NT5C3A: variants seen among roughly 807,000 people sequenced by gnomAD.
NT5C3A encodes 5'-nucleotidase, cytosolic IIIA.
In NT5C3A, 23 loss-of-function variants were observed where a neutral mutation model predicts 40.0. The ratio of observed to expected loss-of-function variants is 0.58; its 90% CI spans 0.41 to 0.81. The LOEUF (loss-of-function observed/expected upper bound fraction) is 0.81. Among genes scored for constraint, NT5C3A ranks in the 40% least tolerant of loss-of-function variants. NT5C3A has a pLI of 0.00. For synonymous variants in NT5C3A, 130 were observed against 141.4 expected, an observed-to-expected ratio of 0.92 and a Z score of 0.57; for missense variants, 328 against 403.0, an observed-to-expected ratio of 0.81 and a Z score of 1.59.
At chr7:33,036,691 T>C (rs1786622746) in intron 1 of NT5C3A, among the ~76,000 whole-genome samples, 1 of 152,212 alleles carries the variant, frequency 6.6e-6, no homozygotes, top group South Asian at 2.1e-4. Flanking sequence ...AAATTATGCA[T>C]TGCTACTACC....
chr7:33,049,043 T>G (rs1477762200), intron 1 of NT5C3A, among the ~76,000 whole-genome samples: 1 of 152,216 alleles, frequency 6.6e-6, no homozygotes, highest in African/African-American at 2.4e-5. Flanking sequence ...TGGTAAGCAC[T>G]GTTTACAACT....
chr7:33,042,329 AAAAAAAACAAAAAACAAAAAAACCCC>A (rs1360504285), intron 1 of NT5C3A, among the ~76,000 whole-genome samples: 1 of 148,914 alleles, frequency 6.7e-6, no homozygotes, highest in Non-Finnish European at 1.5e-5. Context: ...AAACTGTCTC[AAAAAAAACAAAAAACAAAAAAACCCC>A]AAAAAAACAA....
rs115169705 is a variant in NT5C3A, at chr7:33,062,355, C to T, written c.138+213G>A. ...GCAGCCAAGGGCCGCAGCCGGGGAC[C>T]CAACCCTGGTCACCAAGCCCGCGGA... is the stretch of plus-strand genomic sequence containing the variant. On this transcript the variant is annotated intron_variant, in intron 1 of 8. Coordinates refer to ENST00000610140, the MANE Select transcript of NT5C3A (RefSeq NM_001002010.5). 0.036 allele frequency among the ~76,000 whole-genome samples: 5,470 copies of T among 152,304 alleles called. 271 individuals are homozygous for T. Among genetic ancestry groups the T allele is most frequent in the East Asian group, 0.14 (702 of 5,164 alleles).
chr7:33,035,192 T>TG (rs113683776), intron 1 of NT5C3A, among the ~76,000 whole-genome samples: 8 of 144,294 alleles, frequency 5.5e-5, no homozygotes, highest in African/African-American at 2.1e-4. Context: ...GGAATGAGTT[T>TG]TTTTTTTTTT....
chr7:33,022,962 G>C (rs1785710167), intron 3 of NT5C3A, among the ~76,000 whole-genome samples: 1 of 150,664 alleles, frequency 6.6e-6, no homozygotes, highest in South Asian at 2.1e-4. Context: ...TTGTCATCCA[G>C]GCTGGAGTGC....
intron 1 of NT5C3A, among the ~76,000 whole-genome samples, chr7:33,043,927 T>C (rs1013788380): frequency 6.6e-6 from 1 of 152,134 alleles, no homozygotes; most frequent in Non-Finnish European, 1.5e-5. Flanking sequence ...AAGAGAAAAA[T>C]AATACTTCCT....
chr7:33,054,264 G>C (rs1483547209), intron 1 of NT5C3A, among the ~76,000 whole-genome samples: 2 of 151,662 alleles, frequency 1.3e-5, no homozygotes, highest in Admixed American at 1.3e-4. Flanking sequence ...TGAAGTAGGA[G>C]GATCACTTGA....
chr7:33,029,753 G>T, intron 1 of NT5C3A: 1 of 1,209,192 alleles, frequency 8.3e-7, no homozygotes, highest in Non-Finnish European at 1.1e-6. Flanking sequence ...TTTTTATAGA[G>T]ATAAGGTCTT....
intron 1 of NT5C3A, among the ~76,000 whole-genome samples, chr7:33,029,996 G>A (rs557042908): frequency 3.3e-5 from 5 of 152,032 alleles, no homozygotes; most frequent in Admixed American, 2.6e-4. Context: ...CAAATGGCAC[G>A]GGAGTAAAAT....
At chr7:33,016,243 A>T (rs1785318790) in intron 7 of NT5C3A, among the ~76,000 whole-genome samples, 1 of 152,004 alleles carries the variant, frequency 6.6e-6, no homozygotes, top group African/African-American at 2.4e-5. Flanking sequence ...GTTTGGTGGC[A>T]CGCACCTGTA....
chr7:33,027,890 C>T (rs765025990), intron 1 of NT5C3A, among the ~76,000 whole-genome samples: 1 of 152,060 alleles, frequency 6.6e-6, no homozygotes, highest in Non-Finnish European at 1.5e-5. Context: ...TATACTTTTG[C>T]ATCTGGCTTT....
At chr7:33,059,237 AT>A (rs1307373590) in intron 1 of NT5C3A, among the ~76,000 whole-genome samples, 2 of 152,174 alleles carry the variant, frequency 1.3e-5, no homozygotes, top group African/African-American at 4.8e-5. Context: ...TTCAGTTGCT[AT>A]TGCTAATAAT....
chr7:33,031,793 T>C (rs1786274374), intron 1 of NT5C3A, among the ~76,000 whole-genome samples: 1 of 152,090 alleles, frequency 6.6e-6, no homozygotes. Flanking sequence ...TAAATATGTA[T>C]GTTCATCTAT....
intron 1 of NT5C3A, among the ~76,000 whole-genome samples, chr7:33,061,507 C>T (rs1273354008): frequency 6.6e-6 from 1 of 152,122 alleles, no homozygotes; most frequent in Non-Finnish European, 1.5e-5. Flanking sequence ...TCCTCTCAGC[C>T]TCCCAAATAG....
At chr7:33,046,711 T>C (rs530881783) in intron 1 of NT5C3A, among the ~76,000 whole-genome samples, 3 of 152,160 alleles carry the variant, frequency 2.0e-5, no homozygotes, top group South Asian at 4.2e-4. Flanking sequence ...TTCAAGAAAA[T>C]AGGATGTAAG....
chr7:33,033,357 C>A (rs1217779607), intron 1 of NT5C3A, among the ~76,000 whole-genome samples: 2 of 152,218 alleles, frequency 1.3e-5, no homozygotes, highest in Non-Finnish European at 2.9e-5. Flanking sequence ...TTATGCACTA[C>A]TAAATTTTAG....
At chr7:33,043,796 G>T (rs932507217) in intron 1 of NT5C3A, among the ~76,000 whole-genome samples, 3 of 152,100 alleles carry the variant, frequency 2.0e-5, no homozygotes, top group Non-Finnish European at 4.4e-5. Context: ...TGAGATAGTG[G>T]GACTGGTGGG....
At position 33,017,497 on chromosome 7, in the gene NT5C3A, G is replaced by A. The variant is rs1249804561; in HGVS notation, c.635C>T (p.Ala212Val). ...GDVLEEVIRQAGVYHPNVKVV... is the reference protein window; with the variant it reads ...GDVLEEVIRQVGVYHPNVKVV... ...TTTGACATTGGGATGATAAACACCAGCTTGACGAATAACTTCCTCTAGTAC... is the reference window on the plus strand; with the variant it reads ...TTTGACATTGGGATGATAAACACCAACTTGACGAATAACTTCCTCTAGTAC... Residue 212 changes from alanine to valine, a missense_variant, in exon 7 of 9, where the codon GCT becomes GTT. Ala to Val is a moderately conservative substitution (Grantham distance 64). Transcript: ENST00000610140. 3 of 1,613,520 alleles carry A rather than the reference G, an allele frequency of 1.9e-6. No homozygotes were observed. In the South Asian group the frequency reaches 3.3e-5, roughly 18 times the overall value.
At chr7:33,051,846 C>T (rs1787380421) in intron 1 of NT5C3A, among the ~76,000 whole-genome samples, 1 of 152,102 alleles carries the variant, frequency 6.6e-6, no homozygotes, top group Non-Finnish European at 1.5e-5. Flanking sequence ...ATATCTTATA[C>T]TAATAGAGAT....
Sources: allele counts gnomAD v4.1 joint callset (sites outside exome capture counted in the v4.1 genomes callset), GRCh38; gene constraint gnomAD v4.1.1; transcripts MANE v1.5; gene names NCBI Gene and HGNC (gene_info 2026-07-23, HGNC 2026-07-21).